Variants in QTMAN observed in about 807,000 individuals in gnomAD.
QTMAN encodes the protein queuosine-tRNA mannosyltransferase.
the QTMAN span, among the ~76,000 whole-genome samples, chr2:144,113,150 G>A: frequency 6.6e-6 from 1 of 152,028 alleles, no homozygotes; most frequent in African/African-American, 2.4e-5. Flanking sequence ...TTACCTAGAT[G>A]AGAGAATCAC....
chr2:144,182,808 A>AATATATATATTATATATATAAT, the QTMAN span, among the ~76,000 whole-genome samples: 7 of 52,488 alleles, frequency 1.3e-4, no homozygotes, highest in East Asian at 4.9e-4. Flanking sequence ...TTATATATAT[A>AATATATATATTATATATATAAT]ATATATATAT....
the QTMAN span, among the ~76,000 whole-genome samples, chr2:144,181,064 T>C: frequency 6.6e-6 from 1 of 152,220 alleles, no homozygotes; most frequent in Non-Finnish European, 1.5e-5. Context: ...TTGAGACCCA[T>C]GTTTTAATCA....
At chr2:143,986,002 G>A in the QTMAN span, among the ~76,000 whole-genome samples, 2 of 152,168 alleles carry the variant, frequency 1.3e-5, no homozygotes, top group Non-Finnish European at 2.9e-5. Context: ...GTACCAGTAA[G>A]TATTAAATGC....
chr2:144,005,367 A>G, the QTMAN span, among the ~76,000 whole-genome samples: 30 of 152,130 alleles, frequency 2.0e-4, no homozygotes, highest in African/African-American at 6.8e-4. Context: ...GCTGTGTGTC[A>G]GGCGGGAACC....
chr2:144,126,284 T>C, the QTMAN span, among the ~76,000 whole-genome samples: 1 of 151,304 alleles, frequency 6.6e-6, no homozygotes, highest in Non-Finnish European at 1.5e-5. Flanking sequence ...ACTTGTGAAC[T>C]TAAAAAAAAA....
chr2:144,041,970 A>G, the QTMAN span, among the ~76,000 whole-genome samples: 4 of 152,258 alleles, frequency 2.6e-5, no homozygotes, highest in East Asian at 3.9e-4. Context: ...AGGAGAGAAG[A>G]GGAGAGACTG....
At chr2:143,987,455 T>C in the QTMAN span, among the ~76,000 whole-genome samples, 1 of 152,224 alleles carries the variant, frequency 6.6e-6, no homozygotes, top group Non-Finnish European at 1.5e-5. Context: ...CTTTCAATTA[T>C]CCTCACTTCC....
chr2:144,041,488 G>A, the QTMAN span, among the ~76,000 whole-genome samples: 1 of 152,198 alleles, frequency 6.6e-6, no homozygotes, highest in Non-Finnish European at 1.5e-5. Context: ...TATGTATGAA[G>A]TGCAGCCTTT....
At chr2:144,150,471 T>C in the QTMAN span, among the ~76,000 whole-genome samples, 7 of 152,102 alleles carry the variant, frequency 4.6e-5, no homozygotes, top group Admixed American at 1.3e-4. Flanking sequence ...CTAGTACTCC[T>C]GAGGAACTAA....
At chr2:144,242,960 T>TAA in the QTMAN span, among the ~76,000 whole-genome samples, 854 of 77,594 alleles carry the variant, frequency 0.011, 22 homozygotes, top group African/African-American at 0.027. Flanking sequence ...AGACTCTACT[T>TAA]AAAAAAAAAA....
chr2:143,938,951 CTCT>C, the QTMAN span: 1 of 152,242 alleles, frequency 6.6e-6, no homozygotes, highest in Non-Finnish European at 1.5e-5. Flanking sequence ...CTGCCCTAGT[CTCT>C]TCAATTGCAG....
At chr2:144,222,659 T>G in the QTMAN span, among the ~76,000 whole-genome samples, 1 of 151,590 alleles carries the variant, frequency 6.6e-6, no homozygotes, top group Admixed American at 6.6e-5. Context: ...ACAAAAAAAA[T>G]TAGCCAGGCA....
At chr2:143,960,843 T>C in the QTMAN span, among the ~76,000 whole-genome samples, 1 of 152,126 alleles carries the variant, frequency 6.6e-6, no homozygotes, top group African/African-American at 2.4e-5. Flanking sequence ...ACAAAGTGTA[T>C]TGAAAAAGTA....
At chr2:144,293,356 T>C in the QTMAN span, among the ~76,000 whole-genome samples, 3 of 152,196 alleles carry the variant, frequency 2.0e-5, no homozygotes, top group African/African-American at 4.8e-5. Context: ...GCTTCCTTGA[T>C]TGGAAAAGCT....
the QTMAN span, among the ~76,000 whole-genome samples, chr2:144,300,475 T>C: frequency 3.3e-5 from 5 of 152,310 alleles, no homozygotes; most frequent in Middle Eastern, 3.4e-3. Flanking sequence ...TGTGTACAGA[T>C]GTTTATCACA....
At chr2:144,007,596 T>TTAAG in the QTMAN span, 1 of 1,111,652 alleles carries the variant, frequency 9.0e-7, no homozygotes, top group Non-Finnish European at 1.3e-6. Flanking sequence ...AATTTGTCCT[T>TTAAG]TACCTTCCTG....
At chr2:143,943,209 A>G in the QTMAN span, 1 of 152,058 alleles carries the variant, frequency 6.6e-6, no homozygotes, top group Admixed American at 6.6e-5. Flanking sequence ...ATGTTTTTCA[A>G]ACTTCCCCAG....
chr2:144,105,649 G>A, the QTMAN span, among the ~76,000 whole-genome samples: 2 of 152,226 alleles, frequency 1.3e-5, no homozygotes, highest in African/African-American at 4.8e-5. Context: ...GGAAGTGACA[G>A]GGAGAATGGA....
At chr2:143,982,177 T>C in the QTMAN span, among the ~76,000 whole-genome samples, 1 of 152,168 alleles carries the variant, frequency 6.6e-6, no homozygotes, top group Admixed American at 6.5e-5. Context: ...TCTTAATTAA[T>C]TAAATATACT....
Sources: gnomAD v4.1 joint callset for allele counts (sites outside exome capture counted in the v4.1 genomes callset) on GRCh38, gnomAD v4.1.1 for gene constraint, MANE v1.5 for transcripts, NCBI Gene and HGNC (gene_info 2026-07-23, HGNC 2026-07-21) for gene names.